The following NXT1 variants were observed in gnomAD, a reference collection of about 807,000 sequenced individuals.
NXT1 encodes nuclear transport factor 2 like export factor 1.
NXT1 carries 3 observed loss-of-function variants against 9.9 expected under a neutral mutation model. The ratio of observed to expected loss-of-function variants is 0.30; its 90% CI spans 0.14 to 0.79. NXT1 has a LOEUF of 0.79. Ranked by LOEUF, NXT1 falls within the 30% of genes least tolerant of loss-of-function variation. NXT1 has a pLI of 0.63. For synonymous variants in NXT1, 53 were observed against 66.5 expected (o/e 0.80, Z 0.99); for missense variants, 91 against 178.2 (o/e 0.51, Z 2.79).
In NXT1 at chr20:23,354,624, G is replaced by C. The variant is rs1421686048; in HGVS notation, c.*160G>C. 9 of 733,512 alleles carry C rather than the reference G, an allele frequency of 1.2e-5. No individual in the cohort carries two copies. Among genetic ancestry groups the C allele is most frequent in the Non-Finnish European group, 1.8e-5 (8 of 450,300 alleles). The allele number at this position is 733,512 out of a possible 1,614,324, so 45.4% of individuals were successfully genotyped here. Reference sequence around the variant, plus strand: ...GGTTGAACTCTTTTTTGTTGCTCAAGTTCTAGGAGTCCCTTTCCTGAATAT... The same window carrying C: ...GGTTGAACTCTTTTTTGTTGCTCAACTTCTAGGAGTCCCTTTCCTGAATAT... On this transcript the variant is annotated 3_prime_UTR_variant, in exon 2 of 2. Coordinates refer to ENST00000254998, the MANE Select transcript of NXT1 (RefSeq NM_013248.3).
At chr20:23,352,154 A>G (rs1980284527) in intron 1 of NXT1, among the ~76,000 whole-genome samples, 1 of 152,186 alleles carries the variant, frequency 6.6e-6, no homozygotes, top group Admixed American at 6.5e-5. Context: ...TTACCTACAG[A>G]TGATGAAGGT....
chr20:23,353,265 C>A (rs1178434391), intron 1 of NXT1, among the ~76,000 whole-genome samples: 1 of 152,188 alleles, frequency 6.6e-6, no homozygotes. Context: ...GGAATTGATT[C>A]CAGCAGCCCC....
intron 1 of NXT1, among the ~76,000 whole-genome samples, chr20:23,352,045 C>G (rs899720489): frequency 3.3e-5 from 5 of 152,170 alleles, no homozygotes; most frequent in South Asian, 4.1e-4. Flanking sequence ...TGCGTTTGTA[C>G]TGAACATGTA....
intron 1 of NXT1, among the ~76,000 whole-genome samples, chr20:23,353,342 G>A (rs1177726975): frequency 2.0e-5 from 3 of 152,226 alleles, no homozygotes; most frequent in East Asian, 1.9e-4. Context: ...CGTTAAGGCC[G>A]GGCATGGTGG....
Position 23,354,228 on chromosome 20 carries a change from GAAATGTTGCCTTCC to G in NXT1, c.189_202del (p.Met64ArgfsTer14). On this transcript the variant is annotated frameshift_variant, in exon 2 of 2. Coordinates refer to ENST00000254998, the MANE Select transcript of NXT1 (RefSeq NM_013248.3). LOFTEE classifies it high-confidence loss of function. ...ACAAGAATCCTTGAGTGAGTTTTTT[GAAATGTTGCCTTCC>G]AGCGAGTTCCAAATCAGCGTGGTAG... The G allele has an allele frequency of 6.2e-7, 1 of 1,614,164 alleles. No individual in the cohort carries two copies. Among genetic ancestry groups the G allele is most frequent in the Non-Finnish European group, 8.5e-7 (1 of 1,180,030 alleles).
intron 1 of NXT1, among the ~76,000 whole-genome samples, chr20:23,352,516 A>T (rs776751681): frequency 1.4e-5 from 2 of 144,838 alleles, no homozygotes; most frequent in African/African-American, 2.6e-5. Flanking sequence ...AATCATTATA[A>T]AAAAAAAAGT....
Position 23,353,225 on chromosome 20 carries a change from C to T in NXT1, c.-61-756C>T, listed in dbSNP as rs879349370. Among the ~76,000 whole-genome samples, 12 of 152,308 alleles carry T rather than the reference C, an allele frequency of 7.9e-5. No individual in the cohort carries two copies. The East Asian group carries it at 1.5e-3, about 20-fold the overall frequency. ...TTTATAAAATGTGATTTTAAAAATT[C>T]GTGGTCCAATCAGGCCTCCTTATCC... On this transcript the variant is annotated intron_variant, in intron 1 of 1. Transcript: ENST00000254998.
In NXT1 at chr20:23,352,548, A is replaced by G. The variant is rs74691436; in HGVS notation, c.-61-1433A>G. On this transcript the variant is annotated intron_variant, in intron 1 of 1. Transcript: ENST00000254998. ...AAGTCTTTTTTTTGAAATGAAAAAAAACTGTTCACTAAGTTTGTAAGTATA... is the reference window on the plus strand; with the variant it reads ...AAGTCTTTTTTTTGAAATGAAAAAAGACTGTTCACTAAGTTTGTAAGTATA... 6.2e-3 allele frequency among the ~76,000 whole-genome samples: 938 copies of G among 152,288 alleles called. 26 individuals carry two copies. In the East Asian group the frequency reaches 0.096, roughly 16 times the overall value.
intron 1 of NXT1, among the ~76,000 whole-genome samples, chr20:23,352,761 G>T (rs1980308723): frequency 1.3e-5 from 2 of 152,082 alleles, no homozygotes; most frequent in Non-Finnish European, 2.9e-5. Flanking sequence ...TTCATATTCT[G>T]TGTCCACACA....
At chr20:23,351,720 A>G (rs893997910) in intron 1 of NXT1, among the ~76,000 whole-genome samples, 1 of 152,178 alleles carries the variant, frequency 6.6e-6, no homozygotes, top group African/African-American at 2.4e-5. Flanking sequence ...GCAGTCCTGG[A>G]GTTGTGCTCA....
At chr20:23,353,597 G>A (rs956139860) in intron 1 of NXT1, among the ~76,000 whole-genome samples, 1 of 152,202 alleles carries the variant, frequency 6.6e-6, no homozygotes, top group African/African-American at 2.4e-5. Context: ...TCCAGCCTGG[G>A]TGATAAAGTG....
chr20:23,354,131 G>T lies in NXT1; in HGVS notation c.90G>T (p.Lys30Asn). The change falls in exon 2 of 2, where the codon AAG (lysine) becomes AAT (asparagine). Residue 30 changes from lysine to asparagine, a missense_variant. Physicochemically the swap from Lys to Asn is moderately conservative, Grantham distance 94 (BLOSUM62 0). Transcript: ENST00000254998. ...FVNVYYTTMD[K>N]RRRLLSRLYM... ...ATGTCTACTACACCACCATGGATAA[G>T]CGGCGGCGTTTGCTGTCCCGCCTGT... 6.2e-7 allele frequency: 1 copy of T among 1,614,160 alleles called. No individual in the cohort carries two copies. The highest frequency in any genetic ancestry group is 8.5e-7 in the Non-Finnish European group (1 of 1,180,034).
rs530433766 is a variant in NXT1 at position 23,350,995 on chromosome 20, T to G, written c.-128T>G. The stretch of plus-strand genomic sequence containing the variant: ...CGGCCGGCCCCTCAGTGGAACTGCG[T>G]CCCACGCGGGGGGCGTCCCGACCGT... On this transcript the variant is annotated 5_prime_UTR_variant, in exon 1 of 2. Transcript: ENST00000254998. 9 of 152,188 alleles carry G rather than the reference T, an allele frequency of 5.9e-5. No individual in the cohort carries two copies. The East Asian group carries it at 1.8e-3, about 30-fold the overall frequency. The allele number at this position is 152,188 out of a possible 1,614,324, so 9.4% of individuals were successfully genotyped here.
At chr20:23,353,938 TTTGGCATTCA>T in intron 1 of NXT1, 33 bp from the exon 2 acceptor site, 1 of 1,100,580 alleles carries the variant, frequency 9.1e-7, no homozygotes, top group Non-Finnish European at 1.3e-6. Context: ...CAGAATGAAC[TTTGGCATTCA>T]CGTGGCTTCT....
intron 1 of NXT1, among the ~76,000 whole-genome samples, chr20:23,353,577 G>A (rs968616594): frequency 5.9e-5 from 9 of 152,176 alleles, no homozygotes; most frequent in African/African-American, 1.4e-4. Flanking sequence ...CCGAGGTCGC[G>A]CCACTGCACT....
At chr20:23,353,665 C>T (rs907590682) in intron 1 of NXT1, among the ~76,000 whole-genome samples, 3 of 152,184 alleles carry the variant, frequency 2.0e-5, no homozygotes, top group African/African-American at 4.8e-5. Context: ...TTGCAGGTTT[C>T]GCCCTGAGGT....
rs372885405 is a variant in NXT1 at position 23,352,514 on chromosome 20, TAA to T, written c.-61-1458_-61-1457del. On this transcript the variant is annotated intron_variant, in intron 1 of 1. Transcript: ENST00000254998. ...TATTTATTTCATAAGCTAATCATTATAAAAAAAAAAGTCTTTTTTTTGAAATG... is the reference window on the plus strand; with the variant it reads ...TATTTATTTCATAAGCTAATCATTATAAAAAAAAGTCTTTTTTTTGAAATG... Among the ~76,000 whole-genome samples the T allele has an allele frequency of 3.1e-3, 450 of 145,472 alleles. 1 individual carries two copies. Among genetic ancestry groups the T allele is most frequent in the Non-Finnish European group, 5.3e-3 (354 of 66,352 alleles).
chr20:23,354,466 G>C lies in NXT1; in HGVS notation c.*2G>C, dbSNP rs750903220. ...CGCTTCCAGGACTGGGCCAGCTAGT[G>C]GGGGTGGCAGAGGTCTCTTTGCTTC... On this transcript the variant is annotated 3_prime_UTR_variant, in exon 2 of 2. Transcript: ENST00000254998. 1 of 1,609,166 alleles carries C rather than the reference G, an allele frequency of 6.2e-7. No homozygotes were observed. The highest frequency in any genetic ancestry group is 8.5e-7 in the Non-Finnish European group (1 of 1,177,450).
At chr20:23,351,233 A>G (rs1481522293) in intron 1 of NXT1, 172 bp downstream of exon 1, 1 of 152,360 alleles carries the variant, frequency 6.6e-6, no homozygotes, top group Non-Finnish European at 1.5e-5. Flanking sequence ...ATTCTCATCA[A>G]CGAGGGGAGG....
Sources: allele counts gnomAD v4.1 joint callset (sites outside exome capture counted in the v4.1 genomes callset), GRCh38; gene constraint gnomAD v4.1.1; transcripts MANE v1.5; gene names NCBI Gene and HGNC (gene_info 2026-07-23, HGNC 2026-07-21).